GPHN: variants seen among roughly 807,000 people sequenced by gnomAD.
GPHN encodes gephyrin.
A neutral mutation model predicts 95.5 loss-of-function variants in GPHN; 17 were observed. The ratio of observed to expected loss-of-function variants is 0.18; its 90% CI spans 0.12 to 0.27. The LOEUF (loss-of-function observed/expected upper bound fraction) is 0.27, where lower values mean the gene tolerates loss of function less well. GPHN is among the 10% of genes least tolerant of loss of function. GPHN has a pLI of 1.00. For missense variants in GPHN, 660 were observed against 978.1 expected, an observed-to-expected ratio of 0.67 and a Z score of 4.34; for synonymous variants, 320 against 322.5, an observed-to-expected ratio of 0.99 and a Z score of 0.08.
chr14:66,650,585 G>A (rs1377970234), intron 1 of GPHN, among the ~76,000 whole-genome samples: 1 of 152,162 alleles, frequency 6.6e-6, no homozygotes, highest in Non-Finnish European at 1.5e-5. Context: ...TGTTAGAGAG[G>A]ATTAATGAAT....
At chr14:66,614,864 C>T (rs1479511012) in intron 1 of GPHN, among the ~76,000 whole-genome samples, 1 of 152,094 alleles carries the variant, frequency 6.6e-6, no homozygotes, top group African/African-American at 2.4e-5. Context: ...GTTCCTTCCC[C>T]TAACCGCTCA....
intron 4 of GPHN, among the ~76,000 whole-genome samples, chr14:66,835,243 G>A (rs1472303192): frequency 6.9e-6 from 1 of 144,992 alleles, no homozygotes; most frequent in Non-Finnish European, 1.5e-5. Flanking sequence ...GGTTTTTTGT[G>A]TCTCTATTTC....
At chr14:67,023,323 A>G (rs1567223524) in intron 9 of GPHN, among the ~76,000 whole-genome samples, 1 of 152,124 alleles carries the variant, frequency 6.6e-6, no homozygotes. Flanking sequence ...ATTTACAACT[A>G]AATATACAGT....
intron 1 of GPHN, among the ~76,000 whole-genome samples, chr14:66,670,231 AGGTCTCCAGTGAACCCCTTT>A (rs1253683610): frequency 6.6e-6 from 1 of 152,110 alleles, no homozygotes; most frequent in East Asian, 1.9e-4. Flanking sequence ...GCTCCCTGGT[AGGTCTCCAGTGAACCCCTTT>A]TGGCTAGGAT....
At chr14:66,518,147 A>C (rs1356606800) in intron 1 of GPHN, among the ~76,000 whole-genome samples, 10 of 151,754 alleles carry the variant, frequency 6.6e-5, no homozygotes, top group Non-Finnish European at 1.3e-4. Context: ...CAAAACAAAA[A>C]AAACCCTGCA....
chr14:66,644,042 A>G (rs903088713), intron 1 of GPHN, among the ~76,000 whole-genome samples: 7 of 151,944 alleles, frequency 4.6e-5, no homozygotes, highest in Admixed American at 2.0e-4. Flanking sequence ...GGGGCTTTAC[A>G]TTAGTTCTTT....
chr14:67,003,449 C>G (rs2072381273), intron 9 of GPHN, among the ~76,000 whole-genome samples: 1 of 151,746 alleles, frequency 6.6e-6, no homozygotes. Context: ...TGCACTTTAA[C>G]TTCTAACAGA....
intron 21 of GPHN, among the ~76,000 whole-genome samples, chr14:67,174,238 AC>A (rs1388799264): frequency 3.6e-5 from 4 of 112,454 alleles, no homozygotes; most frequent in Non-Finnish European, 5.5e-5. Flanking sequence ...CCACCCCACA[AC>A]CCCCCGACAG....
chr14:67,378,716 C>G, the GPHN span, among the ~76,000 whole-genome samples: 1 of 152,192 alleles, frequency 6.6e-6, no homozygotes, highest in Non-Finnish European at 1.5e-5. Flanking sequence ...TGTGTTATTC[C>G]CTTTTCCTTA....
chr14:67,547,120 G>A, the GPHN span, among the ~76,000 whole-genome samples: 1 of 152,034 alleles, frequency 6.6e-6, no homozygotes, highest in African/African-American at 2.4e-5. Flanking sequence ...GTCTTCACAT[G>A]GAAATGTTAG....
chr14:67,085,468 A>C (rs980906137), intron 11 of GPHN, among the ~76,000 whole-genome samples: 2 of 152,224 alleles, frequency 1.3e-5, no homozygotes, highest in Admixed American at 1.3e-4. Context: ...TGTGCATTTC[A>C]AGACACTGTG....
chr14:67,579,370 C>A, the GPHN span: 2 of 1,329,796 alleles, frequency 1.5e-6, no homozygotes, highest in African/African-American at 3.0e-5. Flanking sequence ...CCAGAGAATA[C>A]CCCTGGGCCT....
chr14:67,338,663 AT>A, the GPHN span: 1 of 1,614,176 alleles, frequency 6.2e-7, no homozygotes, highest in South Asian at 1.1e-5. Context: ...CAGCCAGAAG[AT>A]TAGCAGGCTC....
At chr14:66,847,217 CACA>C (rs2062376211) in intron 4 of GPHN, among the ~76,000 whole-genome samples, 2 of 152,150 alleles carry the variant, frequency 1.3e-5, no homozygotes, top group East Asian at 1.9e-4. Context: ...TTGAGAAAAG[CACA>C]ACAATAGAAA....
chr14:67,605,170 T>C, the GPHN span, among the ~76,000 whole-genome samples: 1 of 152,238 alleles, frequency 6.6e-6, no homozygotes, highest in Non-Finnish European at 1.5e-5. Flanking sequence ...AATTGACATC[T>C]TAACTATGCC....
chr14:66,997,235 C>T lies in GPHN; in HGVS notation c.964-26398C>T, dbSNP rs562196990. Among the ~76,000 whole-genome samples the T allele has an allele frequency of 6.2e-4, 95 of 152,046 alleles. 1 individual carries two copies. The highest frequency in any genetic ancestry group is 4.7e-3 in the Admixed American group (71 of 15,254). On this transcript the variant is annotated intron_variant, in intron 9 of 22. Transcript: ENST00000478722. ...ATAAAAAATTAGCCAGACGTGGTGG[C>T]GCACACCTGTAATCCCAGCTACTCG...
intron 1 of GPHN, among the ~76,000 whole-genome samples, chr14:66,602,767 C>T (rs189901496): frequency 3.8e-4 from 57 of 151,854 alleles, no homozygotes; most frequent in Non-Finnish European, 5.3e-4. Context: ...ATATGACTTG[C>T]AAGCTTGGAT....
chr14:66,793,599 C>G (rs1555407658), intron 3 of GPHN, among the ~76,000 whole-genome samples: 4 of 151,758 alleles, frequency 2.6e-5, no homozygotes, highest in Non-Finnish European at 5.9e-5. Context: ...ATATATATAT[C>G]TGTGTGTGAT....
intron 1 of GPHN, among the ~76,000 whole-genome samples, chr14:66,627,787 T>C (rs2063578955): frequency 6.6e-6 from 1 of 152,100 alleles, no homozygotes; most frequent in African/African-American, 2.4e-5. Context: ...AGGATATTTT[T>C]AAAATGAAGA....
Sources: allele counts gnomAD v4.1 joint callset (sites outside exome capture counted in the v4.1 genomes callset), GRCh38; gene constraint gnomAD v4.1.1; transcripts MANE v1.5; gene names NCBI Gene and HGNC (gene_info 2026-07-23, HGNC 2026-07-21).